The following NUTM2F variants were observed in gnomAD, a reference collection of about 807,000 sequenced individuals.
The protein encoded by NUTM2F is family with sequence similarity 22, member F.
NUTM2F carries 22 observed loss-of-function variants against 43.3 expected under a neutral mutation model. The ratio of observed to expected loss-of-function variants is 0.51; its 90% CI spans 0.36 to 0.73. The LOEUF (loss-of-function observed/expected upper bound fraction) is 0.73, where lower values mean the gene tolerates loss of function less well. NUTM2F is among the 30% of genes least tolerant of loss of function. NUTM2F has a pLI of 0.00. For missense variants in NUTM2F, 488 were observed against 927.4 expected, an observed-to-expected ratio of 0.53 and a Z score of 6.15; for synonymous variants, 202 against 389.0, an observed-to-expected ratio of 0.52 and a Z score of 5.66.
rs543314392 is a variant in NUTM2F at position 94,321,284 on chromosome 9, C to G, written c.843-52G>C. 1.3e-4 allele frequency: 199 copies of G among 1,548,640 alleles called. 1 individual carries two copies. In the African/African-American group the frequency reaches 2.0e-3, roughly 15 times the overall value. On this transcript the variant is annotated intron_variant, in intron 3 of 6. Transcript: ENST00000253262. ...GCTGAGAGGGTCCAGGCCCCCTCCC[C>G]CCAGGACCAGGCAGCAGCTGAGGGC...
rs1831331007 is a variant in NUTM2F at position 94,319,723 on chromosome 9, C to A, written c.1375G>T (p.Ala459Ser). Residue 459 changes from alanine to serine, a missense_variant, in exon 6 of 7, where the codon GCC becomes TCC. Transcript: ENST00000253262. ...SQEDFVTKVE[A>S]VIHPRFLEEL... ...TCCAGGAATCGGGGGTGAATGACGGCCTCCACCTGGAAACAGAAGGAAGAA... is the reference window on the plus strand; with the variant it reads ...TCCAGGAATCGGGGGTGAATGACGGACTCCACCTGGAAACAGAAGGAAGAA... 6.2e-7 allele frequency: 1 copy of A among 1,610,456 alleles called. No individual in the cohort carries two copies. Among genetic ancestry groups the A allele is most frequent in the South Asian group, 1.1e-5 (1 of 90,944 alleles).
At position 94,322,208 on chromosome 9, in the gene NUTM2F, C is replaced by T. The variant is rs1831381557; in HGVS notation, c.835G>A (p.Ala279Thr). 2 of 1,612,072 alleles carry T rather than the reference C, an allele frequency of 1.2e-6. No individual in the cohort carries two copies. The highest frequency in any genetic ancestry group is 4.5e-5 in the East Asian group (2 of 44,876). ...CCAGGACCCCAGACTCACTTTTCCG[C>T]CATCTCGTAGAAGATCATCCGGTCA... ...NFDRMIFYEM[A>T]EKFLEFEAEE... Residue 279 changes from alanine (A) to threonine (T), a missense_variant, in exon 3 of 7, where the codon GCG becomes ACG. Ala to Thr is a moderately conservative substitution (Grantham distance 58). Coordinates refer to ENST00000253262, the MANE Select transcript of NUTM2F (RefSeq NM_017561.2).
chr9:94,320,827 C>T lies in NUTM2F; in HGVS notation c.983-234G>A, dbSNP rs1404779291. On this transcript the variant is annotated intron_variant, in intron 4 of 6. Transcript: ENST00000253262. This position sits in a 1 kb window ranked among gnomAD's most constrained non-coding sequence, Gnocchi z 4.5. ...TACTCTCCCCGCTCATCTCTGCTTC[C>T]TGGGCAGAGCATATGTGGAGTTTTG... is the stretch of plus-strand genomic sequence containing the variant. 6.6e-6 allele frequency among the ~76,000 whole-genome samples: 1 copy of T among 152,196 alleles called. No individual in the cohort carries two copies. The highest frequency in any genetic ancestry group is 1.5e-5 in the Non-Finnish European group (1 of 68,030).
intron 2 of NUTM2F, 106 bp from the exon 3 acceptor site, chr9:94,322,435 T>C: frequency 6.7e-7 from 1 of 1,489,896 alleles, no homozygotes; most frequent in Non-Finnish European, 9.2e-7. Context: ...TCCTGCCATC[T>C]GTCCCTGTCC....
chr9:94,321,474 C>T (rs1468428490), intron 3 of NUTM2F, among the ~76,000 whole-genome samples: 1 of 148,260 alleles, frequency 6.7e-6, no homozygotes, highest in South Asian at 2.2e-4. Context: ...GTCAGGGCCA[C>T]GAGGTCCAGG....
At position 94,320,543 on chromosome 9, in the gene NUTM2F, G is replaced by A. The variant is rs1340220481; in HGVS notation, c.1033C>T (p.Pro345Ser). Residue 345 changes from proline (P) to serine (S), a missense_variant, in exon 5 of 7, where the codon CCA becomes TCA. Transcript: ENST00000253262. The surrounding 1 kb of genome is among the most constrained non-coding windows in gnomAD (Gnocchi z 4.5). ...TCCGCTGGCCTCTGGGGCCTGGGTG[G>A]TGGCAGGCAGGCAGTCGGGGCCTTG... is the stretch of plus-strand genomic sequence containing the variant. ...GPKAPTACLP[P>S]PRPQRPAETK... The A allele has an allele frequency of 3.1e-6, 5 of 1,611,026 alleles. No homozygotes were observed. The South Asian group carries it at 5.5e-5, about 18-fold the overall frequency.
At position 94,321,208 on chromosome 9, in the gene NUTM2F, C is replaced by T; in HGVS notation, c.867G>A (p.Glu289=). The part of the protein sequence containing the change: ...AEKFLEFEAE[E]EMQIQKSQWM... Reference sequence around the variant, plus strand: ...ACTGCGATTTCTGAATCTGCATCTCCTCCTCAGCCTCAAATTCCAGGAACC... The same window carrying T: ...ACTGCGATTTCTGAATCTGCATCTCTTCCTCAGCCTCAAATTCCAGGAACC... Residue 289 remains glutamate (E), a synonymous_variant, in exon 4 of 7, where the codon GAG becomes GAA. Transcript: ENST00000253262. The T allele has an allele frequency of 6.3e-7, 1 of 1,577,244 alleles. No homozygotes were observed. The highest frequency in any genetic ancestry group is 8.5e-7 in the Non-Finnish European group (1 of 1,169,832).
chr9:94,324,433 C>T (rs911831575), intron 2 of NUTM2F, among the ~76,000 whole-genome samples: 3 of 151,570 alleles, frequency 2.0e-5, no homozygotes, highest in Non-Finnish European at 2.9e-5. Context: ...GAGGCCGAGG[C>T]GGGCGAATCA....
At chr9:94,323,715 A>T (rs1399350007) in intron 2 of NUTM2F, among the ~76,000 whole-genome samples, 1 of 152,186 alleles carries the variant, frequency 6.6e-6, no homozygotes, top group Non-Finnish European at 1.5e-5. Context: ...CATCCTCTGA[A>T]TGAAACACCA....
intron 1 of NUTM2F, among the ~76,000 whole-genome samples, chr9:94,327,856 T>C (rs370758986): frequency 5.4e-5 from 8 of 147,800 alleles, no homozygotes; most frequent in African/African-American, 2.1e-4. Flanking sequence ...GGACGGGCCA[T>C]GAGCTAGCTG....
Position 94,325,676 on chromosome 9 carries a change from AC to A in NUTM2F, c.274del (p.Val92Ter). ...FVQMRTEVGP[V>X]KPPQAQTLIL... The stretch of plus-strand genomic sequence containing the variant: ...CAAGGTCTGTGCCTGAGGGGGCTTC[AC>A]AGGCCCCACTTCTGTCCTCATCTGG... On this transcript the variant is annotated frameshift_variant, in exon 2 of 7. Coordinates refer to ENST00000253262, the MANE Select transcript of NUTM2F (RefSeq NM_017561.2). LOFTEE classifies it high-confidence loss of function. The A allele has an allele frequency of 6.2e-7, 1 of 1,610,830 alleles. No homozygotes were observed. The highest frequency in any genetic ancestry group is 8.5e-7 in the Non-Finnish European group (1 of 1,179,700).
rs1318472974 is a variant in NUTM2F, at chr9:94,320,470, G to A, written c.1106C>T (p.Thr369Ile). 6.2e-7 allele frequency: 1 copy of A among 1,611,576 alleles called. No individual in the cohort carries two copies. The highest frequency in any genetic ancestry group is 1.7e-5 in the Admixed American group (1 of 60,002). Residue 369 changes from threonine (T) to isoleucine (I), a missense_variant, in exon 5 of 7, where the codon ACC becomes ATC. Thr to Ile is a moderately conservative substitution (Grantham distance 89). Transcript: ENST00000253262. The surrounding 1 kb of genome is among the most constrained non-coding windows in gnomAD (Gnocchi z 4.5). The stretch of plus-strand genomic sequence containing the variant: ...CCTGGGTGGTGGCAGGTGGGCGTTG[G>A]TCTCCGCTGGCCTCTGGGGCCTGGG... ...PPPRPQRPAE[T>I]NAHLPPPRPQ...
chr9:94,322,111 T>A, intron 3 of NUTM2F, 90 bp downstream of exon 3: 1 of 1,549,252 alleles, frequency 6.5e-7, no homozygotes, highest in East Asian at 2.2e-5. Context: ...CTCCTCATGC[T>A]CCATGCTGAG....
At position 94,320,295 on chromosome 9, in the gene NUTM2F, C is replaced by T. The variant is rs776618706; in HGVS notation, c.1281G>A (p.Gln427=). The T allele has an allele frequency of 1.3e-4, 208 of 1,613,882 alleles. No homozygotes were observed. The highest frequency in any genetic ancestry group is 1.7e-4 in the Non-Finnish European group (200 of 1,179,878). The part of the protein sequence containing the change: ...EGQREKGKVE[Q]PQEEDGITSD... ...AGGTTATCCCGTCCTCTTCCTGCGG[C>T]TGCTCCACTTTGCCCTTTTCCCGTT... Residue 427 remains glutamine (Q), a synonymous_variant, in exon 5 of 7, where the codon CAG becomes CAA. Transcript: ENST00000253262. This position sits in a 1 kb window ranked among gnomAD's most constrained non-coding sequence, Gnocchi z 4.5.
Position 94,328,620 on chromosome 9 carries a change from C to A in NUTM2F, c.4G>T (p.Ala2Ser), listed in dbSNP as rs896962355. The A allele has an allele frequency of 1.9e-6, 3 of 1,613,554 alleles. No individual in the cohort carries two copies. The highest frequency in any genetic ancestry group is 3.3e-5 in the Admixed American group (2 of 59,968). Residue 2 changes from alanine (A) to serine (S), a missense_variant, in exon 1 of 7, where the codon GCT (alanine) becomes TCT (serine). Ala to Ser is a moderately conservative substitution (Grantham distance 99). Transcript: ENST00000253262. M[A>S]SNGAYPVLGP... The stretch of plus-strand genomic sequence containing the variant: ...CCTACAGGCTCACCTCCATTTGAAG[C>A]CATCCCCTCAGGCTGGGCACTGACC...
chr9:94,320,263 G>A lies in NUTM2F; in HGVS notation c.1313C>T (p.Pro438Leu), dbSNP rs1417397533. ...CTTGTCAATGTAGCTCAGGAGGCCC[G>A]GGTCTGAGGTTATCCCGTCCTCTTC... ...PQEEDGITSD[P>L]GLLSYIDKLC... is the part of the protein sequence containing the mutation. Residue 438 changes from proline (P) to leucine (L), a missense_variant, in exon 5 of 7, where the codon CCG becomes CTG. Physicochemically the swap from Pro to Leu is moderately conservative, Grantham distance 98. Coordinates refer to ENST00000253262, the MANE Select transcript of NUTM2F (RefSeq NM_017561.2). This position sits in a 1 kb window ranked among gnomAD's most constrained non-coding sequence, Gnocchi z 4.5. 2.5e-6 allele frequency: 4 copies of A among 1,613,936 alleles called. No homozygotes were observed. Among genetic ancestry groups the A allele is most frequent in the African/African-American group, 1.3e-5 (1 of 75,024 alleles).
rs772093615 is a variant in NUTM2F, at chr9:94,320,453, G to A, written c.1123C>T (p.Pro375Ser). The change falls in exon 5 of 7, where the codon CCA becomes TCA. Residue 375 changes from proline (P) to serine (S), a missense_variant. By Grantham distance (74) the Pro-to-Ser change is moderately conservative. Coordinates refer to ENST00000253262, the MANE Select transcript of NUTM2F (RefSeq NM_017561.2). The surrounding 1 kb of genome is among the most constrained non-coding windows in gnomAD (Gnocchi z 4.5). ...RPAETNAHLP[P>S]PRPQRPAETK... ...TCCGCTGGCCTCTGGGGCCTGGGTG[G>A]TGGCAGGTGGGCGTTGGTCTCCGCT... 24 of 1,603,648 alleles carry A rather than the reference G, an allele frequency of 1.5e-5. No individual in the cohort carries two copies. The highest frequency in any genetic ancestry group is 1.9e-5 in the Non-Finnish European group (22 of 1,174,764).
chr9:94,322,931 C>A (rs1831396993), intron 2 of NUTM2F, among the ~76,000 whole-genome samples: 1 of 151,804 alleles, frequency 6.6e-6, no homozygotes, highest in Admixed American at 6.6e-5. Flanking sequence ...GACTGAGACA[C>A]CATGCACACA....
In NUTM2F at chr9:94,319,675, G is replaced by A. The variant is rs1831329994; in HGVS notation, c.1423C>T (p.Gln475Ter). The change falls in exon 6 of 7, where the codon CAG becomes TAG. Residue 475 changes from glutamine to a stop codon, truncating the protein, a stop_gained. Coordinates refer to ENST00000253262, the MANE Select transcript of NUTM2F (RefSeq NM_017561.2). LOFTEE classifies it high-confidence loss of function. Reference sequence around the variant, plus strand: ...TGGCTTAGGGCCAAGAAATCCATCTGTGGATCTGGGGAAAGCAATTCTTCC... The same window carrying A: ...TGGCTTAGGGCCAAGAAATCCATCTATGGATCTGGGGAAAGCAATTCTTCC... ...FLEELLSPDPQMDFLALSQEL... is the reference protein window; with the variant it reads ...FLEELLSPDP 1 of 1,611,908 alleles carries A rather than the reference G, an allele frequency of 6.2e-7. No individual in the cohort carries two copies. Among genetic ancestry groups the A allele is most frequent in the Non-Finnish European group, 8.5e-7 (1 of 1,179,808 alleles).
Sources: allele counts gnomAD v4.1 joint callset (sites outside exome capture counted in the v4.1 genomes callset), GRCh38; gene constraint gnomAD v4.1.1; non-coding constraint Gnocchi (gnomAD v3.1); transcripts MANE v1.5; gene names NCBI Gene and HGNC (gene_info 2026-07-23, HGNC 2026-07-21).